Variants in RALYL observed in about 807,000 individuals in gnomAD.
RALYL encodes RNA-binding Raly-like protein.
RALYL carries 29 observed loss-of-function variants against 35.1 expected under a neutral mutation model. The observed-to-expected ratio is 0.83, with a 90% CI of 0.61 to 1.13. The LOEUF is 1.13. Ranked by LOEUF, RALYL falls within the 50% of genes most tolerant of loss-of-function variation. The pLI is 0.00. For missense variants in RALYL, 359 were observed against 360.4 expected (o/e 1.00, Z 0.03); for synonymous variants, 120 against 127.6 (o/e 0.94, Z 0.40).
chr8:84,619,760 C>T (rs1820840540), intron 2 of RALYL, among the ~76,000 whole-genome samples: 1 of 151,536 alleles, frequency 6.6e-6, no homozygotes, highest in South Asian at 2.1e-4. Flanking sequence ...TTTAGCGCTT[C>T]CTTCAGGAGC....
intron 1 of RALYL, among the ~76,000 whole-genome samples, chr8:84,487,218 C>T (rs1357428997): frequency 6.6e-6 from 1 of 151,952 alleles, no homozygotes; most frequent in East Asian, 1.9e-4. Context: ...ATAACCAAAT[C>T]AGTTTTTTAG....
chr8:84,751,436 G>C (rs1809980957), intron 2 of RALYL, among the ~76,000 whole-genome samples: 2 of 152,012 alleles, frequency 1.3e-5, no homozygotes, highest in Non-Finnish European at 2.9e-5. Flanking sequence ...TTGAACTCCT[G>C]ACCATAGGTG....
At chr8:84,835,679 G>A (rs890984487) in intron 4 of RALYL, among the ~76,000 whole-genome samples, 33 of 92,326 alleles carry the variant, frequency 3.6e-4, no homozygotes, top group Admixed American at 8.9e-4. Context: ...GCAAAACTCC[G>A]TCTCAAAAAA....
At chr8:84,711,858 T>TA (rs1397110250) in intron 2 of RALYL, among the ~76,000 whole-genome samples, 4 of 152,214 alleles carry the variant, frequency 2.6e-5, no homozygotes, top group Admixed American at 1.3e-4. Flanking sequence ...AACAAATACT[T>TA]ATGTTGATAC....
intron 4 of RALYL, among the ~76,000 whole-genome samples, chr8:84,837,057 C>A (rs925121246): frequency 6.6e-6 from 1 of 152,188 alleles, no homozygotes; most frequent in African/African-American, 2.4e-5. Context: ...CAAATGCCAG[C>A]TCTTTCATGA....
At chr8:84,297,358 C>T (rs1839954881) in intron 1 of RALYL, among the ~76,000 whole-genome samples, 1 of 152,066 alleles carries the variant, frequency 6.6e-6, no homozygotes, top group African/African-American at 2.4e-5. Context: ...CCTCCACCTC[C>T]ATCCATGTTG....
intron 1 of RALYL, among the ~76,000 whole-genome samples, chr8:84,309,877 A>G (rs1563709650): frequency 6.6e-6 from 1 of 151,836 alleles, no homozygotes; most frequent in Non-Finnish European, 1.5e-5. Context: ...AACCCCCGCC[A>G]CCACGACCGG....
rs779483659 is a variant in RALYL at position 84,887,599 on chromosome 8, C to CA, written c.686-5_686-4insA. The CA allele has an allele frequency of 1.0e-5, 16 of 1,602,482 alleles. No homozygotes were observed. In the Admixed American group the frequency reaches 1.4e-4, roughly 14 times the overall value. ...TAGTAGTCATTTGCTTTCTCCCCCC[C>CA]CCAGAAGCTCAGAAGAAGCAATTGG... On this transcript the variant is annotated splice_region_variant and splice_polypyrimidine_tract_variant and intron_variant, in intron 7 of 8. Coordinates refer to ENST00000521268, the MANE Select transcript of RALYL (RefSeq NM_173848.7).
chr8:84,630,429 C>T (rs569719602), intron 2 of RALYL, among the ~76,000 whole-genome samples: 1 of 151,936 alleles, frequency 6.6e-6, no homozygotes, highest in African/African-American at 2.4e-5. Flanking sequence ...TATATTCAAC[C>T]AAGAAAAAGG....
At chr8:84,192,864 T>C (rs567047378) in intron 1 of RALYL, among the ~76,000 whole-genome samples, 1 of 128,182 alleles carries the variant, frequency 7.8e-6, no homozygotes, top group Non-Finnish European at 1.6e-5. Context: ...TTCTTATGAG[T>C]CATCAAAGGA....
At chr8:84,624,182 T>A (rs1007183834) in intron 2 of RALYL, among the ~76,000 whole-genome samples, 6 of 152,206 alleles carry the variant, frequency 3.9e-5, no homozygotes, top group African/African-American at 1.4e-4. Flanking sequence ...GCCCTTTCTG[T>A]GTTTAGACAT....
At position 84,381,163 on chromosome 8, in the gene RALYL, A is replaced by ACGAC. The variant is rs1292587676; in HGVS notation, c.-23-148134_-23-148131dup. The stretch of plus-strand genomic sequence containing the variant: ...GGAAGAGATGACCCCAACGACAGCC[A>ACGAC]CGACCCTGTTTCCAACCTCACTAAG... On this transcript the variant is annotated intron_variant, in intron 1 of 8. Coordinates refer to ENST00000521268, the MANE Select transcript of RALYL (RefSeq NM_173848.7). 3.9e-5 allele frequency among the ~76,000 whole-genome samples: 6 copies of ACGAC among 151,948 alleles called. No homozygotes were observed. In the East Asian group the frequency reaches 1.2e-3, roughly 29 times the overall value.
chr8:84,425,332 C>G (rs377284940), intron 1 of RALYL, among the ~76,000 whole-genome samples: 185 of 152,244 alleles, frequency 1.2e-3, no homozygotes, highest in African/African-American at 4.3e-3. Flanking sequence ...TCCGTCACCC[C>G]TTTCTTTGAC....
chr8:84,513,295 C>A (rs376013091), intron 1 of RALYL, among the ~76,000 whole-genome samples: 11 of 151,902 alleles, frequency 7.2e-5, no homozygotes, highest in African/African-American at 2.7e-4. Context: ...CTATTGCTTT[C>A]TTTGATTTAT....
intron 1 of RALYL, among the ~76,000 whole-genome samples, chr8:84,185,425 G>T (rs566090102): frequency 6.6e-6 from 1 of 152,172 alleles, no homozygotes; most frequent in Admixed American, 6.5e-5. Flanking sequence ...TGTATTCTAT[G>T]ATATTTTATG....
intron 2 of RALYL, among the ~76,000 whole-genome samples, chr8:84,571,898 G>T (rs773497682): frequency 4.6e-5 from 7 of 151,632 alleles, no homozygotes; most frequent in Non-Finnish European, 8.9e-5. Flanking sequence ...AAATTGTTTA[G>T]TTTTCATGCA....
chr8:84,257,017 C>T (rs970145007), intron 1 of RALYL, among the ~76,000 whole-genome samples: 21 of 151,038 alleles, frequency 1.4e-4, no homozygotes, highest in African/African-American at 4.4e-4. Context: ...AATATAACCA[C>T]GATATAAATA....
At chr8:84,800,520 A>G (rs188287077) in intron 3 of RALYL, among the ~76,000 whole-genome samples, 4 of 152,246 alleles carry the variant, frequency 2.6e-5, no homozygotes, top group East Asian at 3.9e-4. Context: ...TTTCTCCACT[A>G]TGTCTTACTC....
intron 2 of RALYL, among the ~76,000 whole-genome samples, chr8:84,716,990 C>T (rs976447132): frequency 2.0e-5 from 3 of 152,008 alleles, no homozygotes; most frequent in Non-Finnish European, 1.5e-5. Flanking sequence ...AGTTTGAGAC[C>T]AGCTTGACCA....
Sources: allele counts gnomAD v4.1 joint callset (sites outside exome capture counted in the v4.1 genomes callset), GRCh38; gene constraint gnomAD v4.1.1; transcripts MANE v1.5; gene names NCBI Gene and HGNC (gene_info 2026-07-23, HGNC 2026-07-21).